UNC5D: variants seen among roughly 807,000 people sequenced by gnomAD.
UNC5D encodes the protein netrin receptor UNC5D.
In UNC5D, 39 loss-of-function variants were observed where a neutral mutation model predicts 105.4. The observed-to-expected ratio is 0.37, with a 90% CI of 0.29 to 0.48. The LOEUF is 0.48. UNC5D is among the 20% of genes least tolerant of loss of function. The pLI is 0.98. For missense variants in UNC5D, 991 were observed against 1,202.4 expected (o/e 0.82, Z 2.60); for synonymous variants, 452 against 450.4 (o/e 1.00, Z -0.04).
At chr8:35,402,558 C>T (rs1046984999) in intron 1 of UNC5D, among the ~76,000 whole-genome samples, 13 of 152,086 alleles carry the variant, frequency 8.5e-5, no homozygotes, top group African/African-American at 3.1e-4. Flanking sequence ...ATATCATCAC[C>T]TACATGAGAA....
chr8:35,489,417 G>A (rs1388822695), intron 1 of UNC5D, among the ~76,000 whole-genome samples: 1 of 152,178 alleles, frequency 6.6e-6, no homozygotes, highest in African/African-American at 2.4e-5. Flanking sequence ...GGGCATTTAA[G>A]AAGGTGATTA....
chr8:35,363,040 A>C (rs1220101371), intron 1 of UNC5D, among the ~76,000 whole-genome samples: 1 of 152,122 alleles, frequency 6.6e-6, no homozygotes, highest in Non-Finnish European at 1.5e-5. Context: ...TCCTCATCTT[A>C]GTCTCCAATT....
At chr8:35,397,911 G>A (rs772558680) in intron 1 of UNC5D, among the ~76,000 whole-genome samples, 3 of 152,042 alleles carry the variant, frequency 2.0e-5, no homozygotes, top group African/African-American at 4.8e-5. Context: ...AAAGCCCAGC[G>A]TCCAGATTAT....
intron 1 of UNC5D, among the ~76,000 whole-genome samples, chr8:35,329,965 A>C (rs1810486332): frequency 6.6e-6 from 1 of 152,208 alleles, no homozygotes; most frequent in African/African-American, 2.4e-5. Context: ...TGAGTGCTTC[A>C]GTGGCAGTGC....
chr8:35,594,007 A>G (rs547360579), intron 3 of UNC5D, among the ~76,000 whole-genome samples: 3 of 152,294 alleles, frequency 2.0e-5, no homozygotes, highest in African/African-American at 7.2e-5. Flanking sequence ...GTTATCAGGT[A>G]TGTGACCTTC....
intron 4 of UNC5D, among the ~76,000 whole-genome samples, chr8:35,598,587 T>C (rs1343700319): frequency 6.6e-6 from 1 of 152,188 alleles, no homozygotes; most frequent in East Asian, 1.9e-4. Flanking sequence ...GTAGAAGAGA[T>C]ACCTGCACCC....
At position 35,256,962 on chromosome 8, in the gene UNC5D, T is replaced by TTG. The variant is rs1161123368; in HGVS notation, c.103+21076_103+21077insGT. On this transcript the variant is annotated intron_variant, in intron 1 of 16. Transcript: ENST00000404895. ...TTGGCTCTCCTGCTCTTTTTTTGTT[T>TTG]TTTTTTTTTTTTTGTTTTTTGTTTT... Among the ~76,000 whole-genome samples the TTG allele has an allele frequency of 1.2e-3, 137 of 111,164 alleles. 2 individuals are homozygous for TTG. Among genetic ancestry groups the TTG allele is most frequent in the Admixed American group, 1.5e-3 (16 of 10,512 alleles). The allele number at this position is 111,164 out of a possible 152,430, so 72.9% of individuals were successfully genotyped here.
In UNC5D at chr8:35,549,300, A is replaced by T; in HGVS notation, c.112A>T (p.Asn38Tyr). 6.2e-7 allele frequency: 1 copy of T among 1,613,022 alleles called. No homozygotes were observed. ...AGTAAARGTD[N>Y]GEALPESIPS... Reference sequence around the variant, plus strand: ...CTTTTTTGATTTCACAGGAACTGACAATGGCGAAGCCCTTCCCGAATCCAT... The same window carrying T: ...CTTTTTTGATTTCACAGGAACTGACTATGGCGAAGCCCTTCCCGAATCCAT... Residue 38 changes from asparagine (N) to tyrosine (Y), a missense_variant, in exon 2 of 17, where the codon AAT (asparagine) becomes TAT (tyrosine). By Grantham distance (143) the Asn-to-Tyr change is moderately radical (BLOSUM62 -2). This residue lies in a region of UNC5D where 944 missense variants were observed against 1,131.6 expected (regional missense o/e 0.83). Coordinates refer to ENST00000404895, the MANE Select transcript of UNC5D (RefSeq NM_080872.4).
At chr8:35,401,928 G>A (rs1200460295) in intron 1 of UNC5D, among the ~76,000 whole-genome samples, 1 of 152,178 alleles carries the variant, frequency 6.6e-6, no homozygotes, top group African/African-American at 2.4e-5. Flanking sequence ...TGTTCTTAGT[G>A]AGATGTGAGA....
intron 4 of UNC5D, among the ~76,000 whole-genome samples, chr8:35,599,072 G>A (rs989864875): frequency 6.7e-6 from 1 of 148,714 alleles, no homozygotes; most frequent in African/African-American, 2.5e-5. Context: ...GAACCCGGGA[G>A]GTAGAGGTTG....
At chr8:35,512,465 CATATATATATATATATATATATATAT>C (rs780945660) in intron 1 of UNC5D, among the ~76,000 whole-genome samples, 909 of 20,116 alleles carry the variant, frequency 0.045, 22 homozygotes, top group East Asian at 0.16. Context: ...AATAGTGAGC[CATATATATATATATATATATATATAT>C]ATATATATAT....
At chr8:35,679,303 C>G (rs1479099051) in intron 4 of UNC5D, among the ~76,000 whole-genome samples, 2 of 151,950 alleles carry the variant, frequency 1.3e-5, no homozygotes, top group Admixed American at 6.6e-5. Flanking sequence ...GAAGAAAAAG[C>G]AGGAAGGGGT....
At chr8:35,576,305 A>G (rs1818084074) in intron 3 of UNC5D, among the ~76,000 whole-genome samples, 1 of 152,200 alleles carries the variant, frequency 6.6e-6, no homozygotes, top group South Asian at 2.1e-4. Flanking sequence ...TGTTACATAA[A>G]AAGCAAATAA....
At chr8:35,457,511 A>G (rs1808573660) in intron 1 of UNC5D, among the ~76,000 whole-genome samples, 1 of 152,198 alleles carries the variant, frequency 6.6e-6, no homozygotes, top group African/African-American at 2.4e-5. Flanking sequence ...TAACTTACCA[A>G]GTTCCACTGT....
At chr8:35,617,696 T>C (rs1821114501) in intron 4 of UNC5D, among the ~76,000 whole-genome samples, 1 of 152,220 alleles carries the variant, frequency 6.6e-6, no homozygotes, top group African/African-American at 2.4e-5. Flanking sequence ...GCTTAGCAGC[T>C]GCACCGTTCC....
chr8:35,427,589 A>G (rs1445627290), intron 1 of UNC5D, among the ~76,000 whole-genome samples: 3 of 152,202 alleles, frequency 2.0e-5, no homozygotes, highest in Non-Finnish European at 4.4e-5. Flanking sequence ...GATATTAGAT[A>G]TAGATGATGA....
At chr8:35,276,108 A>G (rs978256222) in intron 1 of UNC5D, among the ~76,000 whole-genome samples, 1 of 152,210 alleles carries the variant, frequency 6.6e-6, no homozygotes, top group Non-Finnish European at 1.5e-5. Flanking sequence ...TTCAGTGTAC[A>G]TCTATTTAAT....
chr8:35,456,222 C>T (rs191246849), intron 1 of UNC5D, among the ~76,000 whole-genome samples: 38 of 152,184 alleles, frequency 2.5e-4, no homozygotes, highest in Non-Finnish European at 4.1e-4. Flanking sequence ...ATTTCCAATC[C>T]GGATTACTAA....
intron 4 of UNC5D, among the ~76,000 whole-genome samples, chr8:35,672,616 C>A (rs1300872033): frequency 6.6e-6 from 1 of 152,154 alleles, no homozygotes; most frequent in Non-Finnish European, 1.5e-5. Context: ...AAGCAAATGG[C>A]AGCATGTAAC....
Sources: gnomAD v4.1 joint callset for allele counts (sites outside exome capture counted in the v4.1 genomes callset) on GRCh38, gnomAD v4.1.1 for gene constraint, gnomAD v4.1.1 regional missense constraint, MANE v1.5 for transcripts, NCBI Gene and HGNC (gene_info 2026-07-23, HGNC 2026-07-21) for gene names.